Variants in COPB1 observed in about 807,000 individuals in gnomAD.
COPB1 encodes coat protein complex I subunit beta 1, also known as coatomer subunit beta.
In COPB1, 21 loss-of-function variants were observed where a neutral mutation model predicts 108.7. That is an observed-to-expected ratio of 0.19 (90% CI 0.14 to 0.28). The LOEUF (loss-of-function observed/expected upper bound fraction) is 0.28, where lower values mean the gene tolerates loss of function less well. Among genes scored for constraint, COPB1 ranks in the 10% least tolerant of loss-of-function variants. The pLI, the probability that COPB1 is intolerant of heterozygous loss-of-function variation, is 1.00. For missense variants in COPB1, 919 were observed against 1,141.3 expected (o/e 0.81, Z 2.81); for synonymous variants, 378 against 386.8 (o/e 0.98, Z 0.27).
Position 14,480,915 on chromosome 11 carries a change from T to C in COPB1, c.1066-10A>G, listed in dbSNP as rs1850646689. Reference sequence around the variant, plus strand: ...TCAGGACAATAACCAGCTTATAGAATGAAGTAAAAATAAGTGAGAGTTACA... The same window carrying C: ...TCAGGACAATAACCAGCTTATAGAACGAAGTAAAAATAAGTGAGAGTTACA... On this transcript the variant is annotated splice_polypyrimidine_tract_variant and intron_variant, in intron 9 of 21. Transcript: ENST00000439561. 1 of 1,613,588 alleles carries C rather than the reference T, an allele frequency of 6.2e-7. No homozygotes were observed. Among genetic ancestry groups the C allele is most frequent in the South Asian group, 1.1e-5 (1 of 91,012 alleles).
At chr11:14,490,466 T>C in intron 5 of COPB1, 99 bp downstream of exon 5, 1 of 652,452 alleles carries the variant, frequency 1.5e-6, no homozygotes, top group Non-Finnish European at 2.5e-6. Flanking sequence ...ACATGAACTA[T>C]AAACAAAATT....
Position 14,481,016 on chromosome 11 carries a change from G to A in COPB1, c.1039C>T (p.Leu347Phe). The change falls in exon 9 of 22, where the codon CTT becomes TTT. Residue 347 changes from leucine to phenylalanine, a missense_variant. Physicochemically the swap from Leu to Phe is conservative, Grantham distance 22 (BLOSUM62 0). Transcript: ENST00000439561. Reference protein sequence around the residue: ...RKKTLQLALDLVSSRNVEELV... With the variant: ...RKKTLQLALDFVSSRNVEELV... ...TCTTCAACATTTCTAGAAGAGACAA[G>A]ATCCAGTGCTAACTGCAGAGTTTTC... 6.2e-7 allele frequency: 1 copy of A among 1,613,890 alleles called. No homozygotes were observed. Among genetic ancestry groups the A allele is most frequent in the Non-Finnish European group, 8.5e-7 (1 of 1,179,892 alleles).
intron 13 of COPB1, among the ~76,000 whole-genome samples, chr11:14,475,441 T>C (rs2134107742): frequency 6.6e-6 from 1 of 152,332 alleles, no homozygotes; most frequent in Non-Finnish European, 1.5e-5. Flanking sequence ...TTTTATTCCA[T>C]CATTTAGAAA....
chr11:14,483,753 A>G (rs1850711954), intron 7 of COPB1, among the ~76,000 whole-genome samples: 1 of 152,204 alleles, frequency 6.6e-6, no homozygotes, highest in Non-Finnish European at 1.5e-5. Flanking sequence ...CCTTCCTTGC[A>G]TAAGAATTCC....
chr11:14,494,522 TAA>T lies in COPB1; in HGVS notation c.92-85_92-84del, dbSNP rs1589969991. ...ATAAATTTAAAAGCAATTAACAAAA[TAA>T]AATGTACCTTCTTACTTCAGTATCA... is the stretch of plus-strand genomic sequence containing the variant. On this transcript the variant is annotated intron_variant, in intron 2 of 21. Coordinates refer to ENST00000439561, the MANE Select transcript of COPB1 (RefSeq NM_001144061.2). 7 of 790,326 alleles carry T rather than the reference TAA, an allele frequency of 8.9e-6. 1 individual carries two copies. The East Asian group carries it at 1.1e-4, about 12-fold the overall frequency. 49.0% of individuals were successfully genotyped at this position (790,326 alleles called of 1,614,324 possible). A position where few individuals can be genotyped will look rare whatever the true frequency, so the allele number is the denominator to read the frequency against.
intron 7 of COPB1, among the ~76,000 whole-genome samples, chr11:14,484,319 T>G (rs185154659): frequency 2.0e-5 from 3 of 152,230 alleles, no homozygotes; most frequent in African/African-American, 7.2e-5. Context: ...GAATAAAGCC[T>G]GTAGTTTGGT....
intron 14 of COPB1, chr11:14,474,180 C>T (rs1850467919): frequency 5.5e-6 from 1 of 183,368 alleles, no homozygotes; most frequent in East Asian, 1.3e-4. Flanking sequence ...GAGAGAAGGA[C>T]ATTTCCTTCA....
chr11:14,461,158 AAT>A, intron 19 of COPB1, 26 bp downstream of exon 19: 1 of 1,613,886 alleles, frequency 6.2e-7, no homozygotes, highest in South Asian at 1.1e-5. Context: ...AAGATAAAGG[AAT>A]ATGAGAAAAT....
intron 14 of COPB1, among the ~76,000 whole-genome samples, chr11:14,473,137 G>A (rs1276451214): frequency 1.3e-5 from 2 of 151,898 alleles, no homozygotes; most frequent in Non-Finnish European, 2.9e-5. Context: ...ACCACACCTG[G>A]CTAATTTTTG....
At chr11:14,499,030 A>C (rs1032349066) in intron 1 of COPB1, 45 bp from the exon 2 acceptor site, 22 of 982,122 alleles carry the variant, frequency 2.2e-5, no homozygotes, top group East Asian at 7.9e-5. Flanking sequence ...TAAAAAAAAA[A>C]AACCCACAAA....
In COPB1 at chr11:14,469,378, G is replaced by A. The variant is rs564234227; in HGVS notation, c.1923C>T (p.His641=). Residue 641 remains histidine, a synonymous_variant, in exon 15 of 22, where the codon CAC becomes CAT. Transcript: ENST00000439561. Reference sequence around the variant, plus strand: ...CTTCTTCTAGTTTAGCAGATAACATGTGAGAAAGGGACTGTCTGCATTCCT... The same window carrying A: ...CTTCTTCTAGTTTAGCAGATAACATATGAGAAAGGGACTGTCTGCATTCCT... ...FNKECRQSLS[H]MLSAKLEEEK... The A allele has an allele frequency of 1.2e-6, 2 of 1,614,110 alleles. No individual in the cohort carries two copies. Among genetic ancestry groups the A allele is most frequent in the Admixed American group, 1.7e-5 (1 of 60,016 alleles).
Position 14,475,870 on chromosome 11 carries a change from C to T in COPB1, c.1531G>A (p.Val511Ile). The T allele has an allele frequency of 6.2e-7, 1 of 1,613,812 alleles. No homozygotes were observed. Among genetic ancestry groups the T allele is most frequent in the Non-Finnish European group, 8.5e-7 (1 of 1,179,840 alleles). Reference sequence around the variant, plus strand: ...CCCATTTCAGTAACCAATTTCTGAACTGGCCCTACAGTTATTTCTTCTTCA... The same window carrying T: ...CCCATTTCAGTAACCAATTTCTGAATTGGCCCTACAGTTATTTCTTCTTCA... ...KPEEEITVGPVQKLVTEMGTY... is the reference protein window; with the variant it reads ...KPEEEITVGPIQKLVTEMGTY... Residue 511 changes from valine to isoleucine, a missense_variant, in exon 13 of 22, where the codon GTT (valine) becomes ATT (isoleucine). By Grantham distance (29) the Val-to-Ile change is conservative. Transcript: ENST00000439561.
In COPB1 at chr11:14,480,706, T is replaced by C. The variant is rs553590842; in HGVS notation, c.1212+53A>G. 48 of 1,545,892 alleles carry C rather than the reference T, an allele frequency of 3.1e-5. No individual in the cohort carries two copies. In the South Asian group the frequency reaches 5.2e-4, roughly 17 times the overall value. On this transcript the variant is annotated intron_variant, in intron 10 of 21. Transcript: ENST00000439561. ...TGGAGTTTGTCAAATAACTATATTT[T>C]TTAAAAAATTCTTTTAGATAATTTC... is the stretch of plus-strand genomic sequence containing the variant.
intron 18 of COPB1, among the ~76,000 whole-genome samples, chr11:14,464,155 T>C (rs1489384017): frequency 6.6e-6 from 1 of 152,168 alleles, no homozygotes; most frequent in Non-Finnish European, 1.5e-5. Context: ...TCCAAGTGTA[T>C]CAAATCATTT....
Position 14,498,818 on chromosome 11 carries a change from A to T in COPB1, c.91+20T>A. Reference sequence around the variant, plus strand: ...TTTTTTCTTTTTTCATTTCATTCTCAAAATAATATCGAAGTTTACCTAGAT... The same window carrying T: ...TTTTTTCTTTTTTCATTTCATTCTCTAAATAATATCGAAGTTTACCTAGAT... On this transcript the variant is annotated intron_variant, in intron 2 of 21. Transcript: ENST00000439561. 6.5e-7 allele frequency: 1 copy of T among 1,547,916 alleles called. No individual in the cohort carries two copies. The highest frequency in any genetic ancestry group is 8.7e-7 in the Non-Finnish European group (1 of 1,144,468).
At chr11:14,463,381 G>C (rs533624662) in intron 18 of COPB1, among the ~76,000 whole-genome samples, 1 of 152,152 alleles carries the variant, frequency 6.6e-6, no homozygotes, top group Non-Finnish European at 1.5e-5. Flanking sequence ...GCAGTGGTGC[G>C]ATCTCGGCTC....
At chr11:14,477,389 C>CAATAAAAAAAAA (rs1850547108) in intron 11 of COPB1, among the ~76,000 whole-genome samples, 1 of 73,312 alleles carries the variant, frequency 1.4e-5, no homozygotes, top group African/African-American at 5.3e-5. Context: ...GACTCCGTCT[C>CAATAAAAAAAAA]AAAAAAAAAA....
Position 14,494,380 on chromosome 11 carries a change from T to C in COPB1, c.151A>G (p.Asn51Asp). Residue 51 changes from asparagine (N) to aspartate (D), a missense_variant, in exon 3 of 22, where the codon AAT (asparagine) becomes GAT (aspartate). This residue lies in a region of COPB1 where 92 missense variants were observed against 108.4 expected (regional missense o/e 0.85). Coordinates refer to ENST00000439561, the MANE Select transcript of COPB1 (RefSeq NM_001144061.2). Reference protein sequence around the residue: ...ALKKVIIMILNGEKLPGLLMT... With the variant: ...ALKKVIIMILDGEKLPGLLMT... ...AGAAGTCCAGGAAGTTTTTCACCAT[T>C]CAGAATCATAATGATTACTTTCTTC... 6.2e-6 allele frequency: 10 copies of C among 1,613,318 alleles called. No homozygotes were observed. Among genetic ancestry groups the C allele is most frequent in the Non-Finnish European group, 8.5e-6 (10 of 1,179,524 alleles).
At chr11:14,469,650 T>G in intron 14 of COPB1, 87 bp from the exon 15 acceptor site, 1 of 1,123,800 alleles carries the variant, frequency 8.9e-7, no homozygotes, top group Non-Finnish European at 1.3e-6. Flanking sequence ...CAATCTAAAT[T>G]TTCACTTCAC....
Sources: allele counts gnomAD v4.1 joint callset (sites outside exome capture counted in the v4.1 genomes callset), GRCh38; gene constraint gnomAD v4.1.1; regional missense constraint gnomAD v4.1.1; transcripts MANE v1.5; gene names NCBI Gene and HGNC (gene_info 2026-07-23, HGNC 2026-07-21).